The following PCDH15 variants were observed in gnomAD, a reference collection of about 807,000 sequenced individuals.
PCDH15 encodes the protein protocadherin-15.
A neutral mutation model predicts 178.5 loss-of-function variants in PCDH15; 129 were observed. The observed-to-expected ratio is 0.72, with a 90% CI of 0.63 to 0.84. The LOEUF is 0.84. Among genes scored for constraint, PCDH15 ranks in the 40% least tolerant of loss-of-function variants. The pLI is 0.00. For synonymous variants in PCDH15, 800 were observed against 732.0 expected (o/e 1.09, Z -1.50); for missense variants, 2,230 against 2,099.9 (o/e 1.06, Z -1.21).
At chr10:54,877,660 T>A (rs922517924) in intron 3 of PCDH15, among the ~76,000 whole-genome samples, 2 of 152,250 alleles carry the variant, frequency 1.3e-5, no homozygotes, top group African/African-American at 2.4e-5. Context: ...AAAATATAAA[T>A]ATTTTAAAAA....
chr10:55,562,795 G>A (rs1009685928), intron 2 of PCDH15, among the ~76,000 whole-genome samples: 2 of 151,900 alleles, frequency 1.3e-5, no homozygotes, highest in African/African-American at 2.4e-5. Flanking sequence ...TGTCATTCAC[G>A]GAAACATTGT....
At chr10:54,400,560 A>G (rs892855342) in intron 3 of PCDH15, among the ~76,000 whole-genome samples, 3 of 152,108 alleles carry the variant, frequency 2.0e-5, no homozygotes, top group African/African-American at 7.2e-5. Context: ...GAGTCAATAT[A>G]TATTTGTATT....
At chr10:54,137,583 C>T (rs578254761) in intron 14 of PCDH15, among the ~76,000 whole-genome samples, 70 of 152,290 alleles carry the variant, frequency 4.6e-4, no homozygotes, top group Admixed American at 1.1e-3. Flanking sequence ...CAGATCACCA[C>T]ATCCGATGAG....
At chr10:54,059,038 T>C (rs889028128) in intron 18 of PCDH15, among the ~76,000 whole-genome samples, 1 of 152,110 alleles carries the variant, frequency 6.6e-6, no homozygotes, top group Non-Finnish European at 1.5e-5. Context: ...ACTTTCTTCA[T>C]CAGCCCCATC....
chr10:54,461,212 G>A (rs11004318), intron 3 of PCDH15, among the ~76,000 whole-genome samples: 15,194 of 151,982 alleles, frequency 0.1, 957 homozygotes, highest in East Asian at 0.29. Context: ...ACATTTTCTA[G>A]CAATTATTCT....
At chr10:54,856,882 CTGTTG>C (rs1224129609) in intron 3 of PCDH15, among the ~76,000 whole-genome samples, 1 of 152,176 alleles carries the variant, frequency 6.6e-6, no homozygotes, top group Non-Finnish European at 1.5e-5. Flanking sequence ...GTGATAAGAA[CTGTTG>C]TGGCAGATCC....
At chr10:54,943,119 G>A (rs1333024863) in intron 2 of PCDH15, among the ~76,000 whole-genome samples, 1 of 151,924 alleles carries the variant, frequency 6.6e-6, no homozygotes, top group Non-Finnish European at 1.5e-5. Flanking sequence ...TTACAATTCT[G>A]TATGTTAGAA....
At chr10:54,596,461 A>G (rs1374090578) in intron 2 of PCDH15, among the ~76,000 whole-genome samples, 3 of 152,194 alleles carry the variant, frequency 2.0e-5, no homozygotes, top group Non-Finnish European at 1.5e-5. Flanking sequence ...TTCTGGAAGC[A>G]TTAATATGGA....
chr10:54,456,769 C>G (rs2136383108), intron 3 of PCDH15, among the ~76,000 whole-genome samples: 1 of 152,216 alleles, frequency 6.6e-6, no homozygotes, highest in Non-Finnish European at 1.5e-5. Context: ...GGGAGGGACA[C>G]AGTGGGAGGT....
At chr10:54,096,543 T>C (rs994728470) in intron 15 of PCDH15, among the ~76,000 whole-genome samples, 3 of 152,144 alleles carry the variant, frequency 2.0e-5, no homozygotes, top group Non-Finnish European at 2.9e-5. Context: ...GACTTCAAAA[T>C]TGTATTTCAG....
At chr10:54,384,070 G>A (rs1949620491) in intron 3 of PCDH15, among the ~76,000 whole-genome samples, 1 of 150,848 alleles carries the variant, frequency 6.6e-6, no homozygotes, top group African/African-American at 2.4e-5. Flanking sequence ...CTGACTTCAG[G>A]TGATCCATCC....
chr10:55,183,656 G>T (rs1437361080), intron 1 of PCDH15, among the ~76,000 whole-genome samples: 2 of 135,266 alleles, frequency 1.5e-5, no homozygotes, highest in East Asian at 4.5e-4. Context: ...AGGAAAGGCG[G>T]GGGTAACAAC....
At chr10:54,566,622 T>C (rs1448211756) in intron 2 of PCDH15, among the ~76,000 whole-genome samples, 2 of 152,136 alleles carry the variant, frequency 1.3e-5, no homozygotes, top group African/African-American at 4.8e-5. Context: ...CTTTTTCCAT[T>C]TGGTATTTTG....
chr10:54,505,755 C>T (rs183883059), intron 3 of PCDH15, among the ~76,000 whole-genome samples: 80 of 152,136 alleles, frequency 5.3e-4, no homozygotes, highest in Non-Finnish European at 7.6e-4. Context: ...TGCAACAAAA[C>T]TGCACGTTCT....
chr10:54,527,806 A>T lies in PCDH15; in HGVS notation c.157+6T>A, dbSNP rs778130067. On this transcript the variant is annotated splice_donor_region_variant and intron_variant, in intron 3 of 37. Coordinates refer to ENST00000644397, the MANE Select transcript of PCDH15 (RefSeq NM_001384140.1). ...AAGACATTTGTAAAATAAAAAACTCACTTACCATTCCGACTTTCTTCATCA... is the reference window on the plus strand; with the variant it reads ...AAGACATTTGTAAAATAAAAAACTCTCTTACCATTCCGACTTTCTTCATCA... The T allele has an allele frequency of 1.2e-6, 2 of 1,601,348 alleles. No individual in the cohort carries two copies. The highest frequency in any genetic ancestry group is 1.7e-5 in the Admixed American group (1 of 59,366).
chr10:54,739,971 G>C (rs1027616031), intron 1 of PCDH15, among the ~76,000 whole-genome samples: 1 of 151,960 alleles, frequency 6.6e-6, no homozygotes, highest in African/African-American at 2.4e-5. Context: ...CTTTGGTCTA[G>C]ACAAAGATTT....
chr10:55,161,292 T>C (rs1839059527), intron 2 of PCDH15, among the ~76,000 whole-genome samples: 1 of 152,142 alleles, frequency 6.6e-6, no homozygotes, highest in Non-Finnish European at 1.5e-5. Context: ...ATGGATACAA[T>C]TTTAGAGAGT....
chr10:54,286,374 G>GAAA lies in PCDH15; in HGVS notation c.876+30894_876+30896dup, dbSNP rs149407095. ...TTTTAAAAGTTAATCACTCTCTAAT[G>GAAA]AAAGTATCTTTTGGCTCCTAGACAC... On this transcript the variant is annotated intron_variant, in intron 8 of 37. Coordinates refer to ENST00000644397, the MANE Select transcript of PCDH15 (RefSeq NM_001384140.1). Among the ~76,000 whole-genome samples the GAAA allele has an allele frequency of 4.2e-3, 638 of 152,078 alleles. 8 individuals are homozygous for GAAA. Among genetic ancestry groups the GAAA allele is most frequent in the African/African-American group, 0.013 (524 of 41,506 alleles).
chr10:55,513,561 T>C (rs1378893638), intron 2 of PCDH15, among the ~76,000 whole-genome samples: 1 of 152,134 alleles, frequency 6.6e-6, no homozygotes, highest in Admixed American at 6.6e-5. Flanking sequence ...GTTGGAACAA[T>C]GTACATAAGT....
Sources: gnomAD v4.1 joint callset for allele counts (sites outside exome capture counted in the v4.1 genomes callset) on GRCh38, gnomAD v4.1.1 for gene constraint, MANE v1.5 for transcripts, NCBI Gene and HGNC (gene_info 2026-07-23, HGNC 2026-07-21) for gene names.